The following MLKL variants were observed in gnomAD, a reference collection of about 807,000 sequenced individuals.
The protein encoded by MLKL is mixed lineage kinase domain-like protein.
MLKL carries 55 observed loss-of-function variants against 56.5 expected under a neutral mutation model. That is an observed-to-expected ratio of 0.97 (90% CI 0.78 to 1.22). MLKL has a LOEUF of 1.22. Among genes scored for constraint, MLKL ranks in the 50% most tolerant of loss-of-function variants. MLKL has a pLI of 0.00. For missense variants in MLKL, 694 were observed against 573.9 expected, an observed-to-expected ratio of 1.21 and a Z score of -2.14; for synonymous variants, 251 against 208.3, an observed-to-expected ratio of 1.20 and a Z score of -1.76.
chr16:74,674,657 G>A (rs1959469445), intron 10 of MLKL, among the ~76,000 whole-genome samples: 1 of 152,022 alleles, frequency 6.6e-6, no homozygotes, highest in South Asian at 2.1e-4. Context: ...TGGCCAGGCT[G>A]GTCTCAAACT....
intron 7 of MLKL, 100 bp from the exon 8 acceptor site, chr16:74,675,864 T>C: frequency 7.8e-7 from 1 of 1,284,718 alleles, no homozygotes; most frequent in Non-Finnish European, 1.1e-6. Flanking sequence ...GAATTGTCTT[T>C]TACCTTAGGG....
chr16:74,676,631 T>A (rs1036439780), intron 7 of MLKL: 1 of 259,416 alleles, frequency 3.9e-6, no homozygotes, highest in African/African-American at 2.3e-5. Flanking sequence ...AACAGTGTTT[T>A]GGGAGTACTT....
At chr16:74,681,500 A>C (rs1292900740) in intron 6 of MLKL, among the ~76,000 whole-genome samples, 2 of 152,048 alleles carry the variant, frequency 1.3e-5, no homozygotes, top group Non-Finnish European at 2.9e-5. Flanking sequence ...TGCCAAATAA[A>C]ACACAAGACA....
Position 74,672,507 on chromosome 16 carries a change from C to T in MLKL, c.1413G>A (p.Lys471=), listed in dbSNP as rs748951688. 6.2e-7 allele frequency: 1 copy of T among 1,613,744 alleles called. No individual in the cohort carries two copies. Among genetic ancestry groups the T allele is most frequent in the South Asian group, 1.1e-5 (1 of 91,072 alleles). ...EILKKLSTFS[K] is the part of the protein sequence containing the mutation. ...CCTTGGTTTAGATTTTGATACACTA[C>T]TTAGAAAAGGTGGAGAGTTTCTTTA... Residue 471 remains lysine (K), a synonymous_variant, in exon 11 of 11, where the codon AAG becomes AAA. Coordinates refer to ENST00000308807, the MANE Select transcript of MLKL (RefSeq NM_152649.4).
chr16:74,695,243 T>G (rs1024390908), intron 2 of MLKL, 55 bp downstream of exon 2: 3 of 1,536,216 alleles, frequency 2.0e-6, no homozygotes, highest in Non-Finnish European at 2.7e-6. Flanking sequence ...TAAATTAAAG[T>G]GAGACTAAAA....
intron 1 of MLKL, among the ~76,000 whole-genome samples, chr16:74,697,005 A>G (rs11149762): frequency 0.45 from 65,063 of 143,190 alleles, 15,462 homozygotes; most frequent in African/African-American, 0.62. Flanking sequence ...ATACATATAT[A>G]TAATATTACA....
chr16:74,698,942 A>G (rs1961216575), intron 1 of MLKL, among the ~76,000 whole-genome samples: 1 of 152,040 alleles, frequency 6.6e-6, no homozygotes, highest in Non-Finnish European at 1.5e-5. Flanking sequence ...GTGAAACCCC[A>G]TCTCTACTAA....
intron 1 of MLKL, among the ~76,000 whole-genome samples, chr16:74,698,843 T>A (rs1192064614): frequency 6.6e-6 from 1 of 152,126 alleles, no homozygotes; most frequent in Non-Finnish European, 1.5e-5. Flanking sequence ...AGCGGTCACA[T>A]TGGCTCATGC....
At chr16:74,689,048 T>C (rs936510980) in intron 4 of MLKL, among the ~76,000 whole-genome samples, 3 of 152,026 alleles carry the variant, frequency 2.0e-5, no homozygotes, top group South Asian at 4.1e-4. Flanking sequence ...ATGGTGGTGA[T>C]AGGGGTGAAA....
chr16:74,695,658 G>C lies in MLKL; in HGVS notation c.100C>G (p.Arg34Gly). The C allele has an allele frequency of 6.2e-7, 1 of 1,614,124 alleles. No homozygotes were observed. The highest frequency in any genetic ancestry group is 8.5e-7 in the Non-Finnish European group (1 of 1,180,032). Reference sequence around the variant, plus strand: ...AGAGGCTTGATCAGGCCGAGGACGCGGTGGCCCAGGCGCCGGCACTGTTTC... The same window carrying C: ...AGAGGCTTGATCAGGCCGAGGACGCCGTGGCCCAGGCGCCGGCACTGTTTC... Reference protein sequence around the residue: ...CKKQCRRLGHRVLGLIKPLEM... With the variant: ...CKKQCRRLGHGVLGLIKPLEM... Residue 34 changes from arginine (R) to glycine (G), a missense_variant, in exon 2 of 11, where the codon CGC becomes GGC. Transcript: ENST00000308807.
intron 2 of MLKL, among the ~76,000 whole-genome samples, chr16:74,693,470 A>AG (rs1195145375): frequency 4.9e-5 from 1 of 20,524 alleles, no homozygotes; most frequent in African/African-American, 2.8e-4. Flanking sequence ...AAAAAAAAAG[A>AG]AAAGAAAAAA....
At chr16:74,681,324 C>T (rs981487961) in intron 6 of MLKL, among the ~76,000 whole-genome samples, 1 of 152,072 alleles carries the variant, frequency 6.6e-6, no homozygotes, top group Non-Finnish European at 1.5e-5. Context: ...CTGGGCCAGG[C>T]CTTTATTCCG....
chr16:74,681,884 G>A lies in MLKL; in HGVS notation c.956+767C>T, dbSNP rs13333558. Among the ~76,000 whole-genome samples, 1,046 of 152,084 alleles carry A rather than the reference G, an allele frequency of 6.9e-3. 9 individuals carry two copies. Among genetic ancestry groups the A allele is most frequent in the African/African-American group, 0.024 (992 of 41,496 alleles). On this transcript the variant is annotated intron_variant, in intron 6 of 10. Transcript: ENST00000308807. ...AATGAATATATAGATTCACGTACAC[G>A]CATATATATATGTACAAGCATGCCC...
intron 7 of MLKL, chr16:74,676,261 G>C: frequency 2.0e-6 from 2 of 989,956 alleles, no homozygotes; most frequent in Non-Finnish European, 2.4e-6. Flanking sequence ...TGGCTTTGGC[G>C]TGACGAGTGT....
intron 7 of MLKL, chr16:74,677,094 C>T (rs1343154007): frequency 6.6e-6 from 1 of 152,078 alleles, no homozygotes; most frequent in Non-Finnish European, 1.5e-5. Flanking sequence ...ACTCTGTCGC[C>T]CAGGTTGGAG....
rs59102630 is a variant in MLKL, at chr16:74,686,393, G to A, written c.723-810C>T. Among the ~76,000 whole-genome samples, 222 of 152,190 alleles carry A rather than the reference G, an allele frequency of 1.5e-3. 1 individual carries two copies. The highest frequency in any genetic ancestry group is 1.3e-3 in the Non-Finnish European group (91 of 68,000). ...GTCAGGAGTTCGAGACAATCCTGCC[G>A]AACATGGTGAAACCCCGTCTCTACT... On this transcript the variant is annotated intron_variant, in intron 4 of 10. Coordinates refer to ENST00000308807, the MANE Select transcript of MLKL (RefSeq NM_152649.4).
Position 74,672,524 on chromosome 16 carries a change from G to C in MLKL, c.1396C>G (p.Leu466Val). 6.2e-7 allele frequency: 1 copy of C among 1,613,960 alleles called. No individual in the cohort carries two copies. The highest frequency in any genetic ancestry group is 8.5e-7 in the Non-Finnish European group (1 of 1,179,862). ...ATACACTACTTAGAAAAGGTGGAGA[G>C]TTTCTTTAAGATTTCTGTGGATGAA... ...RPSVDEILKK[L>V]STFSK The change falls in exon 11 of 11, where the codon CTC becomes GTC. Residue 466 changes from leucine (L) to valine (V), a missense_variant. Physicochemically the swap from Leu to Val is conservative, Grantham distance 32. Transcript: ENST00000308807.
At chr16:74,698,385 A>G (rs1392864727) in intron 1 of MLKL, among the ~76,000 whole-genome samples, 1 of 152,178 alleles carries the variant, frequency 6.6e-6, no homozygotes, top group East Asian at 1.9e-4. Flanking sequence ...AACATGAGTA[A>G]GGCACTGGCA....
intron 5 of MLKL, among the ~76,000 whole-genome samples, chr16:74,683,693 G>A (rs185235471): frequency 6.6e-6 from 1 of 151,786 alleles, no homozygotes; most frequent in East Asian, 1.9e-4. Flanking sequence ...TTTGGCGAAT[G>A]TCTTCCTCAC....
Sources: allele counts gnomAD v4.1 joint callset (sites outside exome capture counted in the v4.1 genomes callset), GRCh38; gene constraint gnomAD v4.1.1; transcripts MANE v1.5; gene names NCBI Gene and HGNC (gene_info 2026-07-23, HGNC 2026-07-21).